KCTD1: variants seen among roughly 807,000 people sequenced by gnomAD.
The protein encoded by KCTD1 is potassium channel tetramerization domain containing 1.
In KCTD1, 24 loss-of-function variants were observed where a neutral mutation model predicts 66.0. That is an observed-to-expected ratio of 0.36 (90% CI 0.26 to 0.51). KCTD1 has a LOEUF of 0.51. KCTD1 is among the 20% of genes least tolerant of loss of function. The pLI is 0.95. For missense variants in KCTD1, 943 were observed against 1,205.2 expected, an observed-to-expected ratio of 0.78 and a Z score of 3.22; for synonymous variants, 511 against 517.2, an observed-to-expected ratio of 0.99 and a Z score of 0.16.
chr18:26,593,559 G>GAGGAGGAGGAAGACA (rs1986681232), intron 1 of KCTD1, among the ~76,000 whole-genome samples: 1 of 146,282 alleles, frequency 6.8e-6, no homozygotes, highest in Non-Finnish European at 1.5e-5. Flanking sequence ...CGAGGAGGAG[G>GAGGAGGAGGAAGACA]AGGAGGAGGA....
rs547522202 is a variant in KCTD1 at position 26,462,803 on chromosome 18, C to A, written c.2134-2878G>T. Among the ~76,000 whole-genome samples the A allele has an allele frequency of 5.4e-4, 82 of 152,290 alleles. 1 individual carries two copies. The highest frequency in any genetic ancestry group is 2.0e-3 in the African/African-American group (82 of 41,570). On this transcript the variant is annotated intron_variant, in intron 3 of 4. Coordinates refer to ENST00000580059, the MANE Select transcript of KCTD1 (RefSeq NM_001142730.3). The stretch of plus-strand genomic sequence containing the variant: ...ATTTAACTTTACTCTCTAAGTACCA[C>A]GGTTTTTAAAGTTTAGTGTGTTTCT...
intron 1 of KCTD1, among the ~76,000 whole-genome samples, chr18:26,555,839 C>CT (rs1985695232): frequency 6.6e-6 from 1 of 152,088 alleles, no homozygotes; most frequent in South Asian, 2.1e-4. Context: ...ACGATATGTA[C>CT]TTAAAGGGCA....
intron 1 of KCTD1, among the ~76,000 whole-genome samples, chr18:26,638,640 G>T (rs546731943): frequency 6.6e-6 from 1 of 152,368 alleles, no homozygotes; most frequent in East Asian, 1.9e-4. Context: ...ATGTGTCTGG[G>T]GAAGTGCCCG....
At chr18:26,556,895 G>A (rs1349130416) in intron 1 of KCTD1, among the ~76,000 whole-genome samples, 3 of 152,168 alleles carry the variant, frequency 2.0e-5, no homozygotes, top group African/African-American at 4.8e-5. Context: ...TGTTATTTCT[G>A]TGAATTCAAT....
chr18:26,637,236 GTC>G (rs1987743306), intron 1 of KCTD1, among the ~76,000 whole-genome samples: 1 of 152,028 alleles, frequency 6.6e-6, no homozygotes, highest in Non-Finnish European at 1.5e-5. Context: ...TGACTCTATC[GTC>G]TCTGGATTGC....
chr18:26,534,407 C>T lies in KCTD1; in HGVS notation c.1809+12321G>A, dbSNP rs1984591666. On this transcript the variant is annotated intron_variant, in intron 1 of 4. Transcript: ENST00000580059. ...TGTCTCTTGATTATCATTATTTTAT[C>T]CTTGCCAAAGATGTGAGTTCTCCAA... is the stretch of plus-strand genomic sequence containing the variant. Among the ~76,000 whole-genome samples the T allele has an allele frequency of 7.9e-5, 12 of 152,036 alleles. No homozygotes were observed. In the South Asian group the frequency reaches 2.3e-3, roughly 29 times the overall value.
intron 1 of KCTD1, chr18:26,600,280 A>T: frequency 6.2e-7 from 1 of 1,606,252 alleles, no homozygotes; most frequent in Non-Finnish European, 8.5e-7. Context: ...CTACCTTGGG[A>T]TGCCAGCCTT....
At chr18:26,616,718 C>A (rs1987263710) in intron 1 of KCTD1, among the ~76,000 whole-genome samples, 1 of 151,440 alleles carries the variant, frequency 6.6e-6, no homozygotes, top group South Asian at 2.1e-4. Flanking sequence ...GAGACCAGGT[C>A]TGGTTACTCA....
At position 26,501,140 on chromosome 18, in the gene KCTD1, G is replaced by T; in HGVS notation, c.1920C>A (p.Val640=). 1 of 1,614,240 alleles carries T rather than the reference G, an allele frequency of 6.2e-7. No homozygotes were observed. The highest frequency in any genetic ancestry group is 8.5e-7 in the Non-Finnish European group (1 of 1,180,036). Residue 640 remains valine, a synonymous_variant, in exon 2 of 5, where the codon GTC becomes GTA. Transcript: ENST00000580059. ...PAQLTKSNAP[V]HIDVGGHMYT... is the part of the protein sequence containing the mutation. ...ACATGTGGCCGCCCACATCAATGTG[G>T]ACAGGCGCATTGGATTTTGTGAGTT... is the stretch of plus-strand genomic sequence containing the variant.
intron 1 of KCTD1, among the ~76,000 whole-genome samples, chr18:26,507,114 C>T (rs1983081221): frequency 6.6e-6 from 1 of 152,072 alleles, no homozygotes; most frequent in Admixed American, 6.6e-5. Context: ...TTCAGTGAGC[C>T]AAGATCGCGC....
chr18:26,539,118 A>G (rs961960642), intron 1 of KCTD1, among the ~76,000 whole-genome samples: 6 of 152,186 alleles, frequency 3.9e-5, no homozygotes, highest in Non-Finnish European at 8.8e-5. Flanking sequence ...GTTGATATGA[A>G]TTTTGCAATC....
intron 1 of KCTD1, among the ~76,000 whole-genome samples, chr18:26,541,084 C>T (rs962459816): frequency 1.3e-5 from 2 of 152,132 alleles, no homozygotes; most frequent in Admixed American, 1.3e-4. Context: ...CCATCCTCAG[C>T]CCTCTCCTTC....
At chr18:26,484,464 G>A (rs755427333) in intron 2 of KCTD1, among the ~76,000 whole-genome samples, 5 of 152,152 alleles carry the variant, frequency 3.3e-5, no homozygotes, top group Admixed American at 6.5e-5. Context: ...GGAACTCGGC[G>A]TTTTGTAGAA....
At chr18:26,460,464 A>T (rs1243327595) in intron 3 of KCTD1, among the ~76,000 whole-genome samples, 1 of 152,176 alleles carries the variant, frequency 6.6e-6, no homozygotes, top group African/African-American at 2.4e-5. Context: ...GGACAGAGAT[A>T]TGAGGCTAGA....
intron 1 of KCTD1, among the ~76,000 whole-genome samples, chr18:26,563,700 TG>T (rs1421271354): frequency 6.6e-6 from 1 of 152,238 alleles, no homozygotes; most frequent in Non-Finnish European, 1.5e-5. Flanking sequence ...TGTGTGATCT[TG>T]GGCAAAATCT....
intron 1 of KCTD1, among the ~76,000 whole-genome samples, chr18:26,606,954 T>G (rs1250266044): frequency 6.6e-6 from 1 of 151,940 alleles, no homozygotes; most frequent in African/African-American, 2.4e-5. Flanking sequence ...TAAACTTATC[T>G]TTCTATCAAG....
intron 1 of KCTD1, chr18:26,545,912 T>A (rs1400640978): frequency 6.6e-6 from 1 of 152,026 alleles, no homozygotes. Context: ...CAAGGAGAAG[T>A]GAAGTGATTT....
chr18:26,561,179 A>C (rs888465886), intron 1 of KCTD1, among the ~76,000 whole-genome samples: 84 of 147,156 alleles, frequency 5.7e-4, no homozygotes, highest in African/African-American at 2.0e-3. Context: ...AAAAAAAAAA[A>C]CTCTGACCTA....
intron 1 of KCTD1, among the ~76,000 whole-genome samples, chr18:26,516,529 C>T (rs56382703): frequency 0.3 from 45,720 of 151,994 alleles, 7,837 homozygotes; most frequent in East Asian, 0.61. Context: ...CAGGTAGATC[C>T]TTGGCCCTGA....
Sources: allele counts gnomAD v4.1 joint callset (sites outside exome capture counted in the v4.1 genomes callset), GRCh38; gene constraint gnomAD v4.1.1; transcripts MANE v1.5; gene names NCBI Gene and HGNC (gene_info 2026-07-23, HGNC 2026-07-21).